Variants in MARCHF3 observed in about 807,000 individuals in gnomAD.
MARCHF3 encodes the protein membrane associated ring-CH-type finger 3.
Under a neutral mutation model 24.2 loss-of-function variants are expected in MARCHF3, and 13 were observed. That is an observed-to-expected ratio of 0.54 (90% CI 0.35 to 0.85). The LOEUF (loss-of-function observed/expected upper bound fraction) is 0.85, where lower values mean the gene tolerates loss of function less well. Ranked by LOEUF, MARCHF3 falls within the 40% of genes least tolerant of loss-of-function variation. The pLI is 0.01. For synonymous variants in MARCHF3, 144 were observed against 137.3 expected (o/e 1.05, Z -0.34); for missense variants, 276 against 325.0 (o/e 0.85, Z 1.16).
intron 2 of MARCHF3, among the ~76,000 whole-genome samples, 197 bp from the exon 3 acceptor site, chr5:126,915,331 C>G (rs1454042427): frequency 2.0e-5 from 3 of 152,194 alleles, no homozygotes; most frequent in Non-Finnish European, 2.9e-5. Flanking sequence ...TGTGACAACA[C>G]AAAGAAATAG....
At chr5:127,026,217 T>C (rs376157971) in intron 1 of MARCHF3, among the ~76,000 whole-genome samples, 11 of 152,192 alleles carry the variant, frequency 7.2e-5, no homozygotes, top group Non-Finnish European at 1.5e-4. Context: ...ATCAGTCCCA[T>C]TGTATGATCA....
intron 1 of MARCHF3, among the ~76,000 whole-genome samples, chr5:126,986,598 A>G (rs1294361678): frequency 6.6e-6 from 1 of 152,254 alleles, no homozygotes; most frequent in Non-Finnish European, 1.5e-5. Context: ...GAATATATAA[A>G]AAACTCTAAA....
chr5:126,959,373 T>C (rs1157722190), intron 1 of MARCHF3, among the ~76,000 whole-genome samples: 2 of 152,112 alleles, frequency 1.3e-5, no homozygotes, highest in Non-Finnish European at 2.9e-5. Context: ...TTTTACAAAA[T>C]AGCTGACCAG....
chr5:126,906,517 G>T (rs900312291), intron 3 of MARCHF3, among the ~76,000 whole-genome samples: 2 of 152,216 alleles, frequency 1.3e-5, no homozygotes, highest in Non-Finnish European at 2.9e-5. Flanking sequence ...TCTATGCAGA[G>T]ATTCAACTTC....
At chr5:127,028,593 A>C (rs534867049) in intron 1 of MARCHF3, among the ~76,000 whole-genome samples, 135 of 149,432 alleles carry the variant, frequency 9.0e-4, no homozygotes, top group Non-Finnish European at 1.6e-3. Flanking sequence ...AAAATGATTC[A>C]GTTTTAATGC....
chr5:126,875,807 A>G (rs1468358352), intron 4 of MARCHF3, among the ~76,000 whole-genome samples: 1 of 152,230 alleles, frequency 6.6e-6, no homozygotes. Context: ...AGGTGCTTGC[A>G]TGTATGTTCT....
At chr5:126,919,706 TG>T (rs1476190145) in intron 1 of MARCHF3, among the ~76,000 whole-genome samples, 2 of 152,248 alleles carry the variant, frequency 1.3e-5, no homozygotes, top group Non-Finnish European at 2.9e-5. Flanking sequence ...CAAGCAGGCT[TG>T]ACTGTCCAAA....
intron 1 of MARCHF3, among the ~76,000 whole-genome samples, chr5:126,998,183 G>C (rs1259934983): frequency 1.3e-5 from 2 of 152,144 alleles, no homozygotes; most frequent in Non-Finnish European, 2.9e-5. Context: ...ATGTACAAGG[G>C]GAAGAGAGGA....
At chr5:126,890,396 C>T (rs1753644458) in intron 3 of MARCHF3, among the ~76,000 whole-genome samples, 1 of 150,096 alleles carries the variant, frequency 6.7e-6, no homozygotes, top group South Asian at 2.1e-4. Flanking sequence ...ACTAACTCGT[C>T]ATCTAGCATT....
intron 1 of MARCHF3, among the ~76,000 whole-genome samples, chr5:126,991,928 A>G (rs1751778104): frequency 6.6e-6 from 1 of 152,144 alleles, no homozygotes; most frequent in African/African-American, 2.4e-5. Context: ...TAATTGATCA[A>G]CAGGGTTTGT....
At chr5:126,949,054 C>T (rs1309676657) in intron 1 of MARCHF3, among the ~76,000 whole-genome samples, 1 of 152,118 alleles carries the variant, frequency 6.6e-6, no homozygotes, top group African/African-American at 2.4e-5. Flanking sequence ...CATAAACATT[C>T]TTTTGAGTAG....
intron 1 of MARCHF3, among the ~76,000 whole-genome samples, chr5:126,990,059 T>A (rs1369004033): frequency 3.3e-5 from 2 of 61,228 alleles, no homozygotes; most frequent in African/African-American, 1.4e-4. Flanking sequence ...AAAGTTCATA[T>A]GGAACCAAAA....
intron 1 of MARCHF3, among the ~76,000 whole-genome samples, chr5:126,943,656 A>T (rs981673441): frequency 6.6e-6 from 1 of 151,978 alleles, no homozygotes. Flanking sequence ...CTTAGCCTGT[A>T]TTATCTTATT....
intron 1 of MARCHF3, among the ~76,000 whole-genome samples, chr5:126,927,248 A>C (rs1001234273): frequency 6.6e-6 from 1 of 152,196 alleles, no homozygotes; most frequent in African/African-American, 2.4e-5. Context: ...ATAGCCAAGG[A>C]CCGAGTTACC....
At chr5:126,992,983 A>C (rs749126464) in intron 1 of MARCHF3, among the ~76,000 whole-genome samples, 1 of 152,112 alleles carries the variant, frequency 6.6e-6, no homozygotes, top group Admixed American at 6.6e-5. Flanking sequence ...CGTGTTAGCC[A>C]GGATGGTCTC....
chr5:126,921,905 G>A (rs901527742), intron 1 of MARCHF3, among the ~76,000 whole-genome samples: 1 of 152,152 alleles, frequency 6.6e-6, no homozygotes, highest in Non-Finnish European at 1.5e-5. Flanking sequence ...GAAAACAGAG[G>A]GGGTGGGCAA....
chr5:126,920,724 C>T lies in MARCHF3; in HGVS notation c.-56-2497G>A, dbSNP rs116269983. ...CAGGCATATAATAGCCCCAAGTTCA[C>T]ACACTTGTAACCTAGATTAAGTCCT... On this transcript the variant is annotated intron_variant, in intron 1 of 4. Coordinates refer to ENST00000308660, the MANE Select transcript of MARCHF3 (RefSeq NM_178450.5). Among the ~76,000 whole-genome samples, 161 of 152,276 alleles carry T rather than the reference C, an allele frequency of 1.1e-3. 1 individual carries two copies. Among genetic ancestry groups the T allele is most frequent in the African/African-American group, 3.7e-3 (154 of 41,558 alleles).
chr5:127,004,682 C>T (rs1029421223), intron 1 of MARCHF3, among the ~76,000 whole-genome samples: 6 of 152,152 alleles, frequency 3.9e-5, no homozygotes, highest in African/African-American at 1.4e-4. Flanking sequence ...AAAGAGAGAA[C>T]TTTGCTCAGA....
rs1010977210 is a variant in MARCHF3, at chr5:126,933,838, G to C, written c.-56-15611C>G. 2.6e-5 allele frequency among the ~76,000 whole-genome samples: 4 copies of C among 152,134 alleles called. No homozygotes were observed. The East Asian group carries it at 7.7e-4, about 29-fold the overall frequency. On this transcript the variant is annotated intron_variant, in intron 1 of 4. Coordinates refer to ENST00000308660, the MANE Select transcript of MARCHF3 (RefSeq NM_178450.5). ...AAAATTACACAGATAATGAAGATGA[G>C]TTCCTAGGTGAATTACCCATTACTG...
Sources: gnomAD v4.1 joint callset for allele counts (sites outside exome capture counted in the v4.1 genomes callset) on GRCh38, gnomAD v4.1.1 for gene constraint, MANE v1.5 for transcripts, NCBI Gene and HGNC (gene_info 2026-07-23, HGNC 2026-07-21) for gene names.